Variants in RAD52 observed in about 807,000 individuals in gnomAD.
The protein encoded by RAD52 is RAD52 DNA repair protein, also known as DNA repair protein RAD52 homolog.
In RAD52, 47 loss-of-function variants were observed where a neutral mutation model predicts 55.5. The observed-to-expected ratio is 0.85, with a 90% confidence interval of 0.67 to 1.08. The LOEUF is 1.08. Among genes scored for constraint, RAD52 ranks in the 50% least tolerant of loss-of-function variants. The pLI is 0.00. For missense variants in RAD52, 468 were observed against 522.8 expected, an observed-to-expected ratio of 0.90 and a Z score of 1.02; for synonymous variants, 184 against 198.9, an observed-to-expected ratio of 0.92 and a Z score of 0.63.
chr12:930,978 A>AAT (rs1278630645), intron 3 of RAD52, among the ~76,000 whole-genome samples: 12 of 43,554 alleles, frequency 2.8e-4, no homozygotes, highest in Non-Finnish European at 6.0e-4. Context: ...CTTTAAAAAT[A>AAT]AAAAAAAAAA....
intron 6 of RAD52, chr12:926,933 C>A: frequency 6.5e-7 from 1 of 1,537,266 alleles, no homozygotes; most frequent in Non-Finnish European, 8.7e-7. Context: ...CCACTTACTC[C>A]CAGCAAGGGA....
chr12:970,760 C>G (rs1342607960), intron 1 of RAD52, among the ~76,000 whole-genome samples: 3 of 152,114 alleles, frequency 2.0e-5, no homozygotes, highest in African/African-American at 4.8e-5. Context: ...AAGGAGGTAT[C>G]TGAAGAAAGT....
intron 1 of RAD52, among the ~76,000 whole-genome samples, chr12:965,472 G>A (rs1958747911): frequency 6.6e-6 from 1 of 151,992 alleles, no homozygotes; most frequent in South Asian, 2.1e-4. Context: ...AGAGGCTAAT[G>A]TTGCCCGCCA....
chr12:970,045 A>G (rs1409487783), intron 1 of RAD52, among the ~76,000 whole-genome samples: 1 of 137,366 alleles, frequency 7.3e-6, no homozygotes, highest in Non-Finnish European at 1.6e-5. Flanking sequence ...GCGGTGACTC[A>G]TGCCTATAAT....
chr12:955,496 C>T (rs1289927223), intron 1 of RAD52, among the ~76,000 whole-genome samples: 3 of 145,900 alleles, frequency 2.1e-5, no homozygotes, highest in South Asian at 2.2e-4. Flanking sequence ...TTTTTTGAGA[C>T]GGAGTCTCAC....
At chr12:978,344 C>T (rs540838132) in intron 1 of RAD52, among the ~76,000 whole-genome samples, 3 of 151,984 alleles carry the variant, frequency 2.0e-5, no homozygotes, top group African/African-American at 4.8e-5. Flanking sequence ...TGAGCCACCA[C>T]GCCCGGCCGT....
rs11571472 is a variant in RAD52 at position 913,397 on chromosome 12, T to C, written c.1251A>G (p.Pro417=). The part of the protein sequence containing the change: ...SQDMKKRKYD[P]S ...TATGTGGCCTGAGCCTCAGTTAAGA[T>C]GGATCATATTTCCTTTTCTTCATGT... is the stretch of plus-strand genomic sequence containing the variant. Residue 417 remains proline (P), a synonymous_variant, in exon 12 of 12, where the codon CCA becomes CCG. Coordinates refer to ENST00000358495, the MANE Select transcript of RAD52 (RefSeq NM_134424.4). 5.0e-5 allele frequency: 81 copies of C among 1,604,982 alleles called. 1 individual carries two copies. The South Asian group carries it at 7.9e-4, about 16-fold the overall frequency.
rs745699590 is a variant in RAD52, at chr12:933,088, A to T, written c.-18-12T>A. The T allele has an allele frequency of 6.5e-7, 1 of 1,547,130 alleles. No individual in the cohort carries two copies. The highest frequency in any genetic ancestry group is 1.2e-5 in the South Asian group (1 of 85,966). ...ATTCTGGTTGACCTCTATATAAATA[A>T]AAAGCGGAAAAAAAAAACAACCCTC... On this transcript the variant is annotated splice_polypyrimidine_tract_variant and intron_variant, in intron 1 of 11. Coordinates refer to ENST00000358495, the MANE Select transcript of RAD52 (RefSeq NM_134424.4).
chr12:970,215 G>A (rs1050745323), intron 1 of RAD52, among the ~76,000 whole-genome samples: 9 of 150,774 alleles, frequency 6.0e-5, no homozygotes, highest in African/African-American at 2.2e-4. Context: ...GGGCAGGGGG[G>A]TGCTGAGGCA....
intron 1 of RAD52, among the ~76,000 whole-genome samples, chr12:935,152 T>TA (rs11441999): frequency 0.13 from 18,984 of 151,868 alleles, 1,512 homozygotes; most frequent in East Asian, 0.36. Context: ...AACCTCAACT[T>TA]ACTGCTCACT....
upstream of RAD52, among the ~76,000 whole-genome samples, chr12:951,675 ATTGT>A (rs1409972454): frequency 6.6e-6 from 1 of 152,104 alleles, no homozygotes; most frequent in Non-Finnish European, 1.5e-5. Context: ...AATTACTACA[ATTGT>A]TTTTCCATTT....
intron 1 of RAD52, among the ~76,000 whole-genome samples, chr12:989,442 G>C (rs535153025): frequency 2.0e-5 from 3 of 152,162 alleles, no homozygotes; most frequent in Non-Finnish European, 4.4e-5. Flanking sequence ...GTCTCAGGAA[G>C]AAGAGACAGT....
intron 5 of RAD52, among the ~76,000 whole-genome samples, chr12:929,219 A>C (rs752259647): frequency 6.6e-6 from 1 of 152,178 alleles, no homozygotes; most frequent in Non-Finnish European, 1.5e-5. Flanking sequence ...GAAATAGAAT[A>C]GAAATATGAG....
At chr12:977,798 G>A (rs778089134) in intron 1 of RAD52, among the ~76,000 whole-genome samples, 4 of 152,216 alleles carry the variant, frequency 2.6e-5, no homozygotes, top group African/African-American at 2.4e-5. Flanking sequence ...CACTCAGAGG[G>A]TGAGGGAGCT....
intron 1 of RAD52, among the ~76,000 whole-genome samples, chr12:964,253 G>A (rs879904135): frequency 2.6e-5 from 4 of 152,092 alleles, no homozygotes; most frequent in East Asian, 3.9e-4. Flanking sequence ...AAAGAAAGGT[G>A]GGGGGAAAGA....
intron 1 of RAD52, chr12:936,891 A>T (rs938910991): frequency 6.6e-6 from 1 of 152,174 alleles, no homozygotes; most frequent in Admixed American, 6.6e-5. Context: ...GGCTGATCAA[A>T]CACGTCTGGG....
Position 913,086 on chromosome 12 carries a change from C to G in RAD52, c.*305G>C, listed in dbSNP as rs947187661. On this transcript the variant is annotated 3_prime_UTR_variant, in exon 12 of 12. Transcript: ENST00000358495. ...TGAGGGCAAGGAGCCATTGGTGATT[C>G]CTAAAATGTCCATCTTCATTAACAT... The G allele has an allele frequency of 9.3e-5, 20 of 215,602 alleles. 2 individuals are homozygous for G. Among genetic ancestry groups the G allele is most frequent in the Admixed American group, 8.8e-4 (11 of 12,502 alleles). 13.4% of individuals were successfully genotyped at this position (215,602 alleles called of 1,614,324 possible). A position where few individuals can be genotyped will look rare whatever the true frequency, so the allele number is the denominator to read the frequency against.
intron 7 of RAD52, among the ~76,000 whole-genome samples, chr12:924,610 G>A (rs1424221127): frequency 6.6e-6 from 1 of 152,160 alleles, no homozygotes; most frequent in Non-Finnish European, 1.5e-5. Flanking sequence ...GAGGCAGGAG[G>A]AACACTCCAG....
chr12:913,399 GATC>G lies in RAD52; in HGVS notation c.1246_1248del (p.Asp416del). 3 of 1,605,498 alleles carry G rather than the reference GATC, an allele frequency of 1.9e-6. No homozygotes were observed. The highest frequency in any genetic ancestry group is 2.6e-6 in the Non-Finnish European group (3 of 1,172,388). ...TGTGGCCTGAGCCTCAGTTAAGATGGATCATATTTCCTTTTCTTCATGTCCTGG... is the reference window on the plus strand; with the variant it reads ...TGTGGCCTGAGCCTCAGTTAAGATGGATATTTCCTTTTCTTCATGTCCTGG... On this transcript the variant is annotated inframe_deletion, in exon 12 of 12. Transcript: ENST00000358495.
Sources: allele counts gnomAD v4.1 joint callset (sites outside exome capture counted in the v4.1 genomes callset), GRCh38; gene constraint gnomAD v4.1.1; transcripts MANE v1.5; gene names NCBI Gene and HGNC (gene_info 2026-07-23, HGNC 2026-07-21).